CFAP92: variants seen among roughly 807,000 people sequenced by gnomAD.
CFAP92 encodes cilia and flagella associated protein 92 (putative).
A neutral mutation model predicts 106.3 loss-of-function variants in CFAP92; 86 were observed. The ratio of observed to expected loss-of-function variants is 0.81; its 90% confidence interval spans 0.68 to 0.97. The LOEUF (loss-of-function observed/expected upper bound fraction) is 0.97. CFAP92 is among the 50% of genes least tolerant of loss of function. The probability of loss-of-function intolerance (pLI) is 0.00; values close to 1 mark genes in which losing one functional copy is unlikely to be tolerated. For missense variants in CFAP92, 1,204 were observed against 1,283.8 expected, an observed-to-expected ratio of 0.94 and a Z score of 0.95; for synonymous variants, 477 against 506.4, an observed-to-expected ratio of 0.94 and a Z score of 0.78.
At chr3:128,911,063 G>GTATT (rs1448295742) in intron 15 of CFAP92, among the ~76,000 whole-genome samples, 1 of 152,176 alleles carries the variant, frequency 6.6e-6, no homozygotes. Flanking sequence ...ATGTATGTAT[G>GTATT]TATTTATTTC....
chr3:128,969,104 ACCCTT>A (rs2107775876), intron 8 of CFAP92: 1 of 148,674 alleles, frequency 6.7e-6, no homozygotes, highest in African/African-American at 2.5e-5. Context: ...AATCTCCCCC[ACCCTT>A]AAGAAGGTTT....
In CFAP92 at chr3:128,945,240, T is replaced by A; in HGVS notation, c.2089A>T (p.Thr697Ser). 3.9e-6 allele frequency: 6 copies of A among 1,536,058 alleles called. No homozygotes were observed. Among genetic ancestry groups the A allele is most frequent in the Non-Finnish European group, 5.2e-6 (6 of 1,146,902 alleles). ...AAGGCTGACAGGATCTGCTGCAGGG[T>A]CCTGACAGGGTAGGAGTCCAGGCCG... Reference protein sequence around the residue: ...ALGLDSYPVRTLQQILSAFKV... With the variant: ...ALGLDSYPVRSLQQILSAFKV... Residue 697 changes from threonine to serine, a missense_variant, in exon 10 of 16, where the codon ACC becomes TCC. Thr to Ser is a moderately conservative substitution (Grantham distance 58). Transcript: ENST00000645291.
intron 2 of CFAP92, 59 bp from the exon 3 acceptor site, chr3:128,988,977 C>A (rs1944039078): frequency 7.6e-7 from 1 of 1,315,958 alleles, no homozygotes; most frequent in African/African-American, 1.5e-5. Context: ...GCAGACCCGT[C>A]TCCCCAGTTC....
At chr3:128,994,568 G>A (rs1279779078), upstream of CFAP92, among the ~76,000 whole-genome samples, 1 of 152,192 alleles carries the variant, frequency 6.6e-6, no homozygotes, top group Admixed American at 6.5e-5. Flanking sequence ...CCTTAAAATA[G>A]CATGAGAATT....
At chr3:129,002,004 G>C in intron 1 of CFAP92, 2 of 1,545,930 alleles carry the variant, frequency 1.3e-6, no homozygotes, top group Non-Finnish European at 8.7e-7. Flanking sequence ...CTCAGATACC[G>C]ATGAAGAGGC....
chr3:128,910,849 C>T, intron 15 of CFAP92: 2 of 1,606,938 alleles, frequency 1.2e-6, no homozygotes, highest in South Asian at 2.2e-5. Flanking sequence ...AAGGAAGGGC[C>T]CACTTCTAGG....
At chr3:128,996,920 G>A (rs953914235), upstream of CFAP92, among the ~76,000 whole-genome samples, 1 of 152,212 alleles carries the variant, frequency 6.6e-6, no homozygotes, top group Admixed American at 6.5e-5. Context: ...GCCCGGCCTG[G>A]CTTCCTCAGA....
At chr3:128,972,204 A>G (rs536145553) in intron 7 of CFAP92, among the ~76,000 whole-genome samples, 1 of 152,190 alleles carries the variant, frequency 6.6e-6, no homozygotes, top group African/African-American at 2.4e-5. Flanking sequence ...CATCAGAAGA[A>G]TATCTAGGAG....
intron 12 of CFAP92, 54 bp from the exon 13 acceptor site, chr3:128,916,325 G>A (rs1936816926): frequency 4.3e-6 from 5 of 1,155,814 alleles, no homozygotes; most frequent in Non-Finnish European, 5.4e-6. Flanking sequence ...CACCCCCCAT[G>A]CCAGCTCATA....
chr3:128,919,429 G>A (rs1048042167), intron 12 of CFAP92, among the ~76,000 whole-genome samples: 4 of 152,016 alleles, frequency 2.6e-5, no homozygotes, highest in Non-Finnish European at 5.9e-5. Flanking sequence ...TATCAAAAGG[G>A]GCAAAAGGAT....
At chr3:128,976,936 AGGG>A in intron 6 of CFAP92, 40 bp downstream of exon 6, 1 of 1,471,944 alleles carries the variant, frequency 6.8e-7, no homozygotes, top group Non-Finnish European at 9.5e-7. Context: ...CTAGTACAAG[AGGG>A]GCTCCACTCC....
chr3:129,016,592 G>T, the CFAP92 span, among the ~76,000 whole-genome samples: 1 of 151,786 alleles, frequency 6.6e-6, no homozygotes, highest in African/African-American at 2.4e-5. Context: ...GACTCATTTA[G>T]CCAGCCCCCG....
At chr3:128,941,486 A>G (rs1041297803) in intron 10 of CFAP92, among the ~76,000 whole-genome samples, 1 of 151,846 alleles carries the variant, frequency 6.6e-6, no homozygotes, top group African/African-American at 2.4e-5. Flanking sequence ...TTATTTATTT[A>G]TTTATTTTGA....
At chr3:129,013,080 C>G in the CFAP92 span, among the ~76,000 whole-genome samples, 1 of 152,156 alleles carries the variant, frequency 6.6e-6, no homozygotes, top group Non-Finnish European at 1.5e-5. Flanking sequence ...CCAGACGTGC[C>G]AGTGTCAGGA....
At chr3:128,917,281 T>A (rs574100317) in intron 12 of CFAP92, among the ~76,000 whole-genome samples, 1 of 152,244 alleles carries the variant, frequency 6.6e-6, no homozygotes, top group East Asian at 1.9e-4. Context: ...TTGATCTGAG[T>A]TTCTCAGTTA....
chr3:129,017,238 C>T, the CFAP92 span, among the ~76,000 whole-genome samples: 1 of 152,326 alleles, frequency 6.6e-6, no homozygotes, highest in East Asian at 1.9e-4. Flanking sequence ...TTGGCTCAGG[C>T]CAGTCAAGTC....
intron 9 of CFAP92, among the ~76,000 whole-genome samples, chr3:128,951,264 G>C (rs1940774398): frequency 6.6e-6 from 1 of 151,796 alleles, no homozygotes; most frequent in Non-Finnish European, 1.5e-5. Flanking sequence ...GCCCAGGAGA[G>C]TCAGCATCTA....
intron 9 of CFAP92, among the ~76,000 whole-genome samples, chr3:128,959,669 G>A (rs1262260980): frequency 6.6e-6 from 1 of 152,208 alleles, no homozygotes; most frequent in African/African-American, 2.4e-5. Context: ...GGGAAGCCTG[G>A]GGGCTCCTGA....
chr3:128,999,459 G>A (rs1210535874), intron 1 of CFAP92, among the ~76,000 whole-genome samples: 1 of 152,094 alleles, frequency 6.6e-6, no homozygotes, highest in South Asian at 2.1e-4. Context: ...TGCAGGGATG[G>A]GGGGTGGGGA....
Sources: allele counts gnomAD v4.1 joint callset (sites outside exome capture counted in the v4.1 genomes callset), GRCh38; gene constraint gnomAD v4.1.1; transcripts MANE v1.5; gene names NCBI Gene and HGNC (gene_info 2026-07-23, HGNC 2026-07-21).